JAKMIP1: variants seen among roughly 807,000 people sequenced by gnomAD.
The protein encoded by JAKMIP1 is janus kinase and microtubule-interacting protein 1.
JAKMIP1 carries 33 observed loss-of-function variants against 113.0 expected under a neutral mutation model. The observed-to-expected ratio is 0.29, with a 90% CI of 0.22 to 0.39. JAKMIP1 has a LOEUF of 0.39. JAKMIP1 is among the 10% of genes least tolerant of loss of function. The pLI is 1.00. For missense variants in JAKMIP1, 813 were observed against 1,080.5 expected, an observed-to-expected ratio of 0.75 and a Z score of 3.47; for synonymous variants, 480 against 459.9, an observed-to-expected ratio of 1.04 and a Z score of -0.56.
chr4:6,041,108 G>C (rs1013146876), intron 17 of JAKMIP1, among the ~76,000 whole-genome samples: 3 of 152,072 alleles, frequency 2.0e-5, no homozygotes, highest in Non-Finnish European at 4.4e-5. Flanking sequence ...CTTCCTGCCT[G>C]AATTGCATCA....
intron 19 of JAKMIP1, among the ~76,000 whole-genome samples, chr4:6,034,961 C>A (rs1307132558): frequency 1.3e-5 from 2 of 152,134 alleles, no homozygotes; most frequent in African/African-American, 4.8e-5. Context: ...AGACTGAGCT[C>A]CCCGAGGAGA....
In JAKMIP1 at chr4:6,176,519, G is replaced by A. The variant is rs1441438082; in HGVS notation, c.-148+23734C>T. The stretch of plus-strand genomic sequence containing the variant: ...ACTCCTACCACAGGACGGTTGTTCT[G>A]TAGAAACAAGACGCAGCACTGTACC... On this transcript the variant is annotated intron_variant, in intron 1 of 20. Transcript: ENST00000409021. This position sits in a 1 kb window ranked among gnomAD's most constrained non-coding sequence, Gnocchi z 5.5. Among the ~76,000 whole-genome samples, 1 of 152,178 alleles carries A rather than the reference G, an allele frequency of 6.6e-6. No individual in the cohort carries two copies. The highest frequency in any genetic ancestry group is 1.5e-5 in the Non-Finnish European group (1 of 68,028).
chr4:6,130,112 G>T (rs907484873), intron 1 of JAKMIP1, among the ~76,000 whole-genome samples: 2 of 152,228 alleles, frequency 1.3e-5, no homozygotes, highest in African/African-American at 4.8e-5. Context: ...TCCAGTTAGG[G>T]CAATACTCTG....
Position 6,150,998 on chromosome 4 carries a change from C to T in JAKMIP1, c.-147-38001G>A, listed in dbSNP as rs75768372. ...GTGAAGGCTGCTGGGGATGGCAGCTCTTTCTCCCCAAGCTTTGGCTTCTAT... is the reference window on the plus strand; with the variant it reads ...GTGAAGGCTGCTGGGGATGGCAGCTTTTTCTCCCCAAGCTTTGGCTTCTAT... On this transcript the variant is annotated intron_variant, in intron 1 of 20. Transcript: ENST00000409021. This position sits in a 1 kb window ranked among gnomAD's most constrained non-coding sequence, Gnocchi z 4.8. 3.9e-5 allele frequency among the ~76,000 whole-genome samples: 6 copies of T among 152,164 alleles called. No individual in the cohort carries two copies. In the South Asian group the frequency reaches 1.2e-3, roughly 32 times the overall value.
chr4:6,144,370 C>T (rs1479637061), intron 1 of JAKMIP1, among the ~76,000 whole-genome samples: 1 of 152,214 alleles, frequency 6.6e-6, no homozygotes, highest in African/African-American at 2.4e-5. Context: ...AAGAACACTT[C>T]TCAACTCATT....
rs1398040438 is a variant in JAKMIP1 at position 6,076,902 on chromosome 4, CAT to C, written c.1302+2035_1302+2036del. Among the ~76,000 whole-genome samples the C allele has an allele frequency of 6.6e-6, 1 of 152,156 alleles. No homozygotes were observed. Among genetic ancestry groups the C allele is most frequent in the African/African-American group, 2.4e-5 (1 of 41,436 alleles). On this transcript the variant is annotated intron_variant, in intron 8 of 20. Coordinates refer to ENST00000409021, the MANE Select transcript of JAKMIP1 (RefSeq NM_001099433.2). This position sits in a 1 kb window ranked among gnomAD's most constrained non-coding sequence, Gnocchi z 4.8. ...ATAGTGTTTTTACTGCAACCTGTCA[CAT>C]GAGGCCAGGTGTGAAATTTCCCTGG...
At chr4:6,032,475 G>A (rs1466528917) in intron 19 of JAKMIP1, among the ~76,000 whole-genome samples, 1 of 152,158 alleles carries the variant, frequency 6.6e-6, no homozygotes, top group Non-Finnish European at 1.5e-5. Flanking sequence ...CCTTCTCTGA[G>A]CCTCACTCTG....
intron 16 of JAKMIP1, among the ~76,000 whole-genome samples, chr4:6,047,453 G>A (rs137911523): frequency 4.0e-4 from 61 of 152,296 alleles, no homozygotes; most frequent in African/African-American, 1.3e-3. Flanking sequence ...GCCCCGCCCC[G>A]TGCCTGCACC....
chr4:6,117,710 A>G (rs531490968), intron 1 of JAKMIP1, among the ~76,000 whole-genome samples: 1,634 of 151,968 alleles, frequency 0.011, 25 homozygotes, highest in African/African-American at 0.038. Flanking sequence ...CTTGACCATA[A>G]GAGACAGGTA....
In JAKMIP1 at chr4:6,031,257, A is replaced by C. The variant is rs1385362553; in HGVS notation, c.2380-1476T>G. ...AGACCAGCCTGACCAACATGGTGAA[A>C]TGTCTCTACTAAAAATACAAAAATG... On this transcript the variant is annotated intron_variant, in intron 19 of 20. Transcript: ENST00000409021. This position sits in a 1 kb window ranked among gnomAD's most constrained non-coding sequence, Gnocchi z 4.4. Among the ~76,000 whole-genome samples, 1 of 152,076 alleles carries C rather than the reference A, an allele frequency of 6.6e-6. No individual in the cohort carries two copies. The highest frequency in any genetic ancestry group is 2.4e-5 in the African/African-American group (1 of 41,408).
chr4:6,198,320 G>T (rs999094599), intron 1 of JAKMIP1, among the ~76,000 whole-genome samples: 2 of 152,082 alleles, frequency 1.3e-5, no homozygotes, highest in Non-Finnish European at 2.9e-5. Flanking sequence ...TTTAGACGGG[G>T]GGAAAAAGAA....
chr4:6,158,098 A>G lies in JAKMIP1; in HGVS notation c.-148+42155T>C, dbSNP rs2108996765. ...CTCTCCCTGTGTGAGACGCTGGTCA[A>G]GTTACTCCTGCTCTCTCTACCTCCT... is the stretch of plus-strand genomic sequence containing the variant. On this transcript the variant is annotated intron_variant, in intron 1 of 20. Transcript: ENST00000409021. This position sits in a 1 kb window ranked among gnomAD's most constrained non-coding sequence, Gnocchi z 5.3. Among the ~76,000 whole-genome samples the G allele has an allele frequency of 6.6e-6, 1 of 152,322 alleles. No individual in the cohort carries two copies. Among genetic ancestry groups the G allele is most frequent in the African/African-American group, 2.4e-5 (1 of 41,576 alleles).
Position 6,192,714 on chromosome 4 carries a change from G to C in JAKMIP1, c.-148+7539C>G, listed in dbSNP as rs1304999169. Among the ~76,000 whole-genome samples, 1 of 152,150 alleles carries C rather than the reference G, an allele frequency of 6.6e-6. No individual in the cohort carries two copies. Among genetic ancestry groups the C allele is most frequent in the East Asian group, 1.9e-4 (1 of 5,190 alleles). The stretch of plus-strand genomic sequence containing the variant: ...AGAGGAGGAGAAACCCCACAGGCAG[G>C]GTTCCTGCCCTCATAGTGCTTGATT... On this transcript the variant is annotated intron_variant, in intron 1 of 20. Transcript: ENST00000409021. This position sits in a 1 kb window ranked among gnomAD's most constrained non-coding sequence, Gnocchi z 5.0.
At chr4:6,182,477 G>T (rs548363745) in intron 1 of JAKMIP1, among the ~76,000 whole-genome samples, 4 of 151,896 alleles carry the variant, frequency 2.6e-5, no homozygotes, top group African/African-American at 9.7e-5. Flanking sequence ...GGACACAAGA[G>T]AGCTTATTTC....
chr4:6,111,972 C>G (rs1460945787), intron 2 of JAKMIP1, among the ~76,000 whole-genome samples: 1 of 152,226 alleles, frequency 6.6e-6, no homozygotes, highest in East Asian at 1.9e-4. Flanking sequence ...TCCTCTCCAC[C>G]AAGGGTCTTC....
At chr4:6,043,128 T>C (rs1336749387) in intron 16 of JAKMIP1, among the ~76,000 whole-genome samples, 2 of 151,996 alleles carry the variant, frequency 1.3e-5, no homozygotes, top group African/African-American at 4.8e-5. Flanking sequence ...GACAACACCA[T>C]TGACCTCCTC....
chr4:6,166,921 TCC>T, intron 1 of JAKMIP1, among the ~76,000 whole-genome samples: 1 of 151,694 alleles, frequency 6.6e-6, no homozygotes, highest in Non-Finnish European at 1.5e-5. Context: ...ACCCCCAACT[TCC>T]CCTCCTCCAC....
rs1438473489 is a variant in JAKMIP1 at position 6,193,957 on chromosome 4, G to A, written c.-148+6296C>T. 1.3e-5 allele frequency among the ~76,000 whole-genome samples: 2 copies of A among 152,180 alleles called. No homozygotes were observed. Among genetic ancestry groups the A allele is most frequent in the African/African-American group, 2.4e-5 (1 of 41,444 alleles). On this transcript the variant is annotated intron_variant, in intron 1 of 20. Transcript: ENST00000409021. The surrounding 1 kb of genome is among the most constrained non-coding windows in gnomAD (Gnocchi z 6.4). ...TATACGCACCATGGAATACTACTCC[G>A]CCATGAAGAAGAAGGAAGCAATGAC... is the stretch of plus-strand genomic sequence containing the variant.
chr4:6,144,514 A>G (rs1462876702), intron 1 of JAKMIP1, among the ~76,000 whole-genome samples: 1 of 152,248 alleles, frequency 6.6e-6, no homozygotes, highest in Non-Finnish European at 1.5e-5. Context: ...TGCAATATAT[A>G]AAAGAACTAT....
Sources: allele counts gnomAD v4.1 joint callset (sites outside exome capture counted in the v4.1 genomes callset), GRCh38; gene constraint gnomAD v4.1.1; non-coding constraint Gnocchi (gnomAD v3.1); transcripts MANE v1.5; gene names NCBI Gene and HGNC (gene_info 2026-07-23, HGNC 2026-07-21).